Variants in IL1RL2 observed in about 807,000 individuals in gnomAD.
IL1RL2 encodes interleukin 1 receptor like 2.
Under a neutral mutation model 66.8 loss-of-function variants are expected in IL1RL2, and 68 were observed. The observed-to-expected ratio is 1.02, with a 90% CI of 0.84 to 1.25. The LOEUF (loss-of-function observed/expected upper bound fraction) is 1.25, where lower values mean the gene tolerates loss of function less well. IL1RL2 is among the 50% of genes most tolerant of loss of function. The pLI is 0.00. For synonymous variants in IL1RL2, 305 were observed against 264.6 expected (o/e 1.15, Z -1.48); for missense variants, 729 against 709.3 (o/e 1.03, Z -0.32).
intron 4 of IL1RL2, among the ~76,000 whole-genome samples, chr2:102,193,524 T>A (rs553378304): frequency 1.3e-5 from 2 of 152,292 alleles, no homozygotes; most frequent in African/African-American, 2.4e-5. Context: ...GGTAATTTTT[T>A]AAATTTTTTG....
intron 3 of IL1RL2, 52 bp from the exon 4 acceptor site, chr2:102,191,873 T>G (rs969295523): frequency 8.2e-7 from 1 of 1,220,248 alleles, no homozygotes; most frequent in African/African-American, 1.5e-5. Context: ...TGGAATTATT[T>G]GATTTTGTGA....
At chr2:102,225,130 T>A (rs1690487767) in intron 8 of IL1RL2, among the ~76,000 whole-genome samples, 1 of 152,208 alleles carries the variant, frequency 6.6e-6, no homozygotes, top group Non-Finnish European at 1.5e-5. Context: ...GCCAAGCTGT[T>A]CCTTTTCTTG....
rs147597487 is a variant in IL1RL2 at position 102,195,570 on chromosome 2, T to C, written c.489+3450T>C. Among the ~76,000 whole-genome samples, 107 of 13,078 alleles carry C rather than the reference T, an allele frequency of 8.2e-3. 4 individuals carry two copies. The highest frequency in any genetic ancestry group is 0.023 in the African/African-American group (97 of 4,176). The allele number at this position is 13,078 out of a possible 152,430, so 8.6% of individuals were successfully genotyped here. A position where few individuals can be genotyped will look rare whatever the true frequency, so the allele number is the denominator to read the frequency against. The stretch of plus-strand genomic sequence containing the variant: ...CTATTTCTTTCTTTCTCTTTCTTTC[T>C]TTCTTTCTTTCTTTCTTTCTTTCTT... On this transcript the variant is annotated intron_variant, in intron 4 of 11. Transcript: ENST00000264257.
At chr2:102,187,780 C>A in intron 1 of IL1RL2, 76 bp from the exon 2 acceptor site, 1 of 1,260,334 alleles carries the variant, frequency 7.9e-7, no homozygotes, top group Non-Finnish European at 1.2e-6. Context: ...TTTGAGATTC[C>A]GAGGTCGCCC....
Position 102,187,939 on chromosome 2 carries a change from G to T in IL1RL2, c.58+14G>T. ...CTGTCACAGCAGGTACGTTCCGTGT[G>T]TCCTCCGTTCCCAGAGGCTGCCCGA... On this transcript the variant is annotated intron_variant, in intron 2 of 11. Coordinates refer to ENST00000264257, the MANE Select transcript of IL1RL2 (RefSeq NM_003854.4). The T allele has an allele frequency of 6.2e-7, 1 of 1,613,240 alleles. No individual in the cohort carries two copies. Among genetic ancestry groups the T allele is most frequent in the East Asian group, 2.2e-5 (1 of 44,836 alleles).
chr2:102,219,217 T>C, intron 7 of IL1RL2, 135 bp downstream of exon 7: 1 of 964,466 alleles, frequency 1.0e-6, no homozygotes, highest in Non-Finnish European at 1.6e-6. Context: ...ACCTATCACA[T>C]AGTTAGGGAG....
Position 102,189,162 on chromosome 2 carries a change from T to A in IL1RL2, c.145T>A (p.Ser49Thr). ...AFNCTFPPIT[S>T]GEVSVTWYKN... ...TAATTGTACATTCCCTCCCATAACA[T>A]CTGGGGAAGTCAGTGTAACATGGTA... Residue 49 changes from serine to threonine, a missense_variant, in exon 3 of 12, where the codon TCT becomes ACT. Transcript: ENST00000264257. 2 of 1,614,120 alleles carry A rather than the reference T, an allele frequency of 1.2e-6. No individual in the cohort carries two copies. Among genetic ancestry groups the A allele is most frequent in the Non-Finnish European group, 1.7e-6 (2 of 1,179,978 alleles).
At chr2:102,220,079 C>T (rs983790649) in intron 8 of IL1RL2, 62 bp downstream of exon 8, 34 of 1,453,904 alleles carry the variant, frequency 2.3e-5, no homozygotes, top group Non-Finnish European at 2.8e-5. Flanking sequence ...GGAAACACAT[C>T]TGAAGGAGCA....
Position 102,192,036 on chromosome 2 carries a change from A to T in IL1RL2, c.405A>T (p.Ile135=), listed in dbSNP as rs761508970. The T allele has an allele frequency of 8.7e-6, 14 of 1,612,976 alleles. No homozygotes were observed. In the Admixed American group the frequency reaches 2.3e-4, roughly 27 times the overall value. ...ATTTATCAGATGAGTACAAGCAAATATTACATCTTGGAAAAGATGATAGTC... is the reference window on the plus strand; with the variant it reads ...ATTTATCAGATGAGTACAAGCAAATTTTACATCTTGGAAAAGATGATAGTC... ...LPNLSDEYKQ[I]LHLGKDDSLT... The change falls in exon 4 of 12, where the codon ATA becomes ATT. Residue 135 remains isoleucine, a synonymous_variant. Coordinates refer to ENST00000264257, the MANE Select transcript of IL1RL2 (RefSeq NM_003854.4).
At chr2:102,241,589 C>G (rs1022974346), downstream of IL1RL2, among the ~76,000 whole-genome samples, 3 of 152,238 alleles carry the variant, frequency 2.0e-5, no homozygotes, top group Non-Finnish European at 4.4e-5. Flanking sequence ...ATGTGTGTAA[C>G]ATCACAAATG....
chr2:102,235,228 G>A lies in IL1RL2; in HGVS notation c.1629G>A (p.Pro543=), dbSNP rs369281705. ...ACATGCCGCCCAGAAGGTGTCGGCC[G>A]TTTCCTCCGGTCCAGCTGCTGCAGC... ...RYHMPPRRCR[P]FPPVQLLQHT... The change falls in exon 11 of 12, where the codon CCG becomes CCA. Residue 543 remains proline (P), a synonymous_variant. Transcript: ENST00000264257. 6.8e-5 allele frequency: 110 copies of A among 1,613,994 alleles called. No homozygotes were observed. The highest frequency in any genetic ancestry group is 8.3e-5 in the Non-Finnish European group (98 of 1,180,046).
At chr2:102,237,915 A>G (rs913905910) in intron 11 of IL1RL2, among the ~76,000 whole-genome samples, 2 of 152,170 alleles carry the variant, frequency 1.3e-5, no homozygotes, top group South Asian at 4.1e-4. Flanking sequence ...TGGCGCAAAT[A>G]TGAGGTCAAT....
chr2:102,187,795 C>A, intron 1 of IL1RL2, 61 bp from the exon 2 acceptor site: 2 of 1,433,348 alleles, frequency 1.4e-6, no homozygotes. Flanking sequence ...TCGCCCACGC[C>A]GGCGCCTCGG....
chr2:102,212,772 TC>T (rs1424322866), intron 6 of IL1RL2, among the ~76,000 whole-genome samples: 1 of 152,068 alleles, frequency 6.6e-6, no homozygotes, highest in East Asian at 1.9e-4. Flanking sequence ...ATCAAGACCA[TC>T]CTGGCTAACA....
chr2:102,227,100 T>C (rs1338318793), intron 9 of IL1RL2, among the ~76,000 whole-genome samples: 1 of 152,216 alleles, frequency 6.6e-6, no homozygotes, highest in African/African-American at 2.4e-5. Context: ...TTTGTTTTGT[T>C]TTGTCTTAGA....
chr2:102,196,662 G>C (rs1270490158), intron 4 of IL1RL2, among the ~76,000 whole-genome samples: 1 of 152,194 alleles, frequency 6.6e-6, no homozygotes, highest in Non-Finnish European at 1.5e-5. Flanking sequence ...ATGCTTCCTG[G>C]AAAAGGTGAC....
rs1279355854 is a variant in IL1RL2, at chr2:102,239,290, A to G, written c.*49A>G. ...GCTGGAAGATGACTTGTTTTGCTCC[A>G]TGTCTCCTCATTCCTACACCTATTT... On this transcript the variant is annotated 3_prime_UTR_variant, in exon 12 of 12. Transcript: ENST00000264257. 3.3e-6 allele frequency: 5 copies of G among 1,536,700 alleles called. No homozygotes were observed. Among genetic ancestry groups the G allele is most frequent in the Admixed American group, 3.3e-5 (2 of 59,874 alleles).
At chr2:102,188,074 A>T in intron 2 of IL1RL2, 149 bp downstream of exon 2, 1 of 696,360 alleles carries the variant, frequency 1.4e-6, no homozygotes, top group Non-Finnish European at 2.6e-6. Flanking sequence ...AAGAGGAAAC[A>T]GAGAACCAGC....
At chr2:102,234,796 AAGT>A in intron 10 of IL1RL2, 98 bp from the exon 11 acceptor site, 2 of 1,168,530 alleles carry the variant, frequency 1.7e-6, no homozygotes, top group Non-Finnish European at 2.4e-6. Context: ...CAAAAAAAAA[AAGT>A]CAATTTTCTC....
Sources: gnomAD v4.1 joint callset for allele counts (sites outside exome capture counted in the v4.1 genomes callset) on GRCh38, gnomAD v4.1.1 for gene constraint, MANE v1.5 for transcripts, NCBI Gene and HGNC (gene_info 2026-07-23, HGNC 2026-07-21) for gene names.